Variants in DEPDC4 observed in about 807,000 individuals in gnomAD.
DEPDC4 encodes DEP domain-containing protein 4.
Under a neutral mutation model 52.0 loss-of-function variants are expected in DEPDC4, and 52 were observed. The ratio of observed to expected loss-of-function variants is 1.00; its 90% CI spans 0.80 to 1.26. The LOEUF is 1.26. Ranked by LOEUF, DEPDC4 falls within the 50% of genes most tolerant of loss-of-function variation. The pLI is 0.00. For missense variants in DEPDC4, 530 were observed against 546.9 expected, an observed-to-expected ratio of 0.97 and a Z score of 0.31; for synonymous variants, 201 against 196.8, an observed-to-expected ratio of 1.02 and a Z score of -0.18.
chr12:100,267,266 C>CGGCGGA, upstream of DEPDC4: 1 of 601,708 alleles, frequency 1.7e-6, no homozygotes. Context: ...GCCGCGGGGG[C>CGGCGGA]GGCGGAGGAT....
intron 4 of DEPDC4, among the ~76,000 whole-genome samples, chr12:100,253,931 C>T (rs1199353968): frequency 6.6e-6 from 1 of 152,114 alleles, no homozygotes; most frequent in East Asian, 1.9e-4. Flanking sequence ...TACCACCACA[C>T]CTTTATGGAC....
At chr12:100,260,373 G>C (rs1455363403) in intron 3 of DEPDC4, among the ~76,000 whole-genome samples, 1 of 151,152 alleles carries the variant, frequency 6.6e-6, no homozygotes, top group African/African-American at 2.4e-5. Flanking sequence ...CACCCACCTT[G>C]GCCTCCCAAA....
At position 100,241,493 on chromosome 12, in the gene DEPDC4, T is replaced by G; in HGVS notation, c.*399A>C. The G allele has an allele frequency of 3.9e-6, 1 of 258,616 alleles. No individual in the cohort carries two copies. The highest frequency in any genetic ancestry group is 6.4e-6 in the Non-Finnish European group (1 of 155,684). The allele number at this position is 258,616 out of a possible 1,614,324, so 16.0% of individuals were successfully genotyped here. The stretch of plus-strand genomic sequence containing the variant: ...CAGGAGGATGACTTGAGGCCAGGAG[T>G]TCGAGACCAGCCTGGGCAACATAAT... On this transcript the variant is annotated 3_prime_UTR_variant, in exon 10 of 10. Transcript: ENST00000550587.
intron 5 of DEPDC4, among the ~76,000 whole-genome samples, chr12:100,252,956 G>A (rs371965710): frequency 5.9e-5 from 9 of 152,106 alleles, no homozygotes; most frequent in South Asian, 2.1e-4. Flanking sequence ...TCACTCTGTC[G>A]CCCAGGCTGG....
the DEPDC4 span, among the ~76,000 whole-genome samples, chr12:100,277,534 T>G: frequency 1.3e-5 from 2 of 152,258 alleles, no homozygotes; most frequent in African/African-American, 4.8e-5. Flanking sequence ...AAGCTTATTC[T>G]GTTATTAATA....
At chr12:100,248,194 T>C (rs1312250097) in intron 8 of DEPDC4, among the ~76,000 whole-genome samples, 1 of 152,080 alleles carries the variant, frequency 6.6e-6, no homozygotes, top group African/African-American at 2.4e-5. Context: ...TAATAGAATA[T>C]CTAATATCCT....
In DEPDC4 at chr12:100,253,480, C is replaced by T. The variant is rs1249097962; in HGVS notation, c.1105+9G>A. On this transcript the variant is annotated intron_variant, in intron 5 of 9. Coordinates refer to ENST00000550587, the MANE Select transcript of DEPDC4 (RefSeq NM_001364818.2). ...CACCAAAAATTAAAATATAAACATC[C>T]TATCTTACCTAAAAGTTCAATAATT... 9.3e-6 allele frequency: 11 copies of T among 1,177,798 alleles called. No homozygotes were observed. Among genetic ancestry groups the T allele is most frequent in the Admixed American group, 2.4e-5 (1 of 41,038 alleles). 73.0% of individuals were successfully genotyped at this position (1,177,798 alleles called of 1,614,324 possible).
At chr12:100,271,248 C>T (rs372736427), upstream of DEPDC4, among the ~76,000 whole-genome samples, 1 of 130,532 alleles carries the variant, frequency 7.7e-6, no homozygotes, top group African/African-American at 3.2e-5. Flanking sequence ...AGCCCTGCTC[C>T]TTGCAGAGCA....
chr12:100,233,937 A>C (rs1489284574), intron 9 of DEPDC4, among the ~76,000 whole-genome samples: 1 of 151,650 alleles, frequency 6.6e-6, no homozygotes, highest in Middle Eastern at 3.2e-3. Context: ...ACATGGCGAA[A>C]CCCTGTCTCT....
At chr12:100,256,357 T>C (rs2096232537) in intron 3 of DEPDC4, 131 bp from the exon 4 acceptor site, 2 of 562,100 alleles carry the variant, frequency 3.6e-6, no homozygotes, top group Admixed American at 6.8e-5. Flanking sequence ...AATGGGTTAA[T>C]TTAATGCTTA....
At chr12:100,265,227 G>A (rs1458094246) in intron 1 of DEPDC4, among the ~76,000 whole-genome samples, 5 of 152,090 alleles carry the variant, frequency 3.3e-5, no homozygotes, top group South Asian at 2.1e-4. Context: ...CAGGGAGGCC[G>A]AGGCTGCAGT....
chr12:100,261,590 T>C (rs935375972), intron 3 of DEPDC4: 3 of 389,218 alleles, frequency 7.7e-6, no homozygotes, highest in African/African-American at 6.2e-5. Flanking sequence ...ATTAAGAAGA[T>C]GGTCTTGCAG....
intron 3 of DEPDC4, chr12:100,257,586 GC>G (rs201741943): frequency 7.3e-6 from 1 of 136,640 alleles, no homozygotes; most frequent in African/African-American, 3.7e-5. Context: ...TGTTGGTCTG[GC>G]TGGTCTTGAA....
At chr12:100,267,188 C>T (rs1695106350), upstream of DEPDC4, 3 of 1,180,696 alleles carry the variant, frequency 2.5e-6, no homozygotes, top group Middle Eastern at 2.9e-4. Context: ...GTCTTTTTCC[C>T]CCTCCCTTAC....
rs2096261491 is a variant in DEPDC4, at chr12:100,263,580, G to A, written c.471C>T (p.Leu157=). ...ATGATTTATTGCCTAGAAACCTGTA[G>A]AGACTAATGTTGGAATCTTCAAATT... ...ELEFEDSNIS[L]YRFLGNKSSY... Residue 157 remains leucine (L), a synonymous_variant, in exon 2 of 10, where the codon CTC becomes CTT. Coordinates refer to ENST00000550587, the MANE Select transcript of DEPDC4 (RefSeq NM_001364818.2). The A allele has an allele frequency of 1.9e-6, 3 of 1,613,586 alleles. No individual in the cohort carries two copies. The highest frequency in any genetic ancestry group is 2.2e-5 in the South Asian group (2 of 90,974).
downstream of DEPDC4, chr12:100,238,113 C>A: frequency 1.0e-6 from 1 of 957,864 alleles, no homozygotes; most frequent in Non-Finnish European, 1.2e-6. Context: ...TAACTTCCTC[C>A]CCAACTTAAA....
At chr12:100,267,116 T>C (rs973356068), upstream of DEPDC4, 2 of 1,596,016 alleles carry the variant, frequency 1.3e-6, no homozygotes, top group Non-Finnish European at 1.7e-6. Context: ...AGAGAAGTAC[T>C]GGCTCCGCCT....
chr12:100,280,018 G>A, the DEPDC4 span, among the ~76,000 whole-genome samples: 1 of 152,200 alleles, frequency 6.6e-6, no homozygotes, highest in Non-Finnish European at 1.5e-5. Flanking sequence ...CAGCTAGATA[G>A]CTACTTGGAA....
upstream of DEPDC4, chr12:100,267,132 G>A (rs2153927869): frequency 1.3e-6 from 2 of 1,573,340 alleles, no homozygotes; most frequent in African/African-American, 1.4e-5. Context: ...CGCCTCTTCC[G>A]AACCGGCAGG....
Sources: allele counts gnomAD v4.1 joint callset (sites outside exome capture counted in the v4.1 genomes callset), GRCh38; gene constraint gnomAD v4.1.1; transcripts MANE v1.5; gene names NCBI Gene and HGNC (gene_info 2026-07-23, HGNC 2026-07-21).